TPP2: variants seen among roughly 807,000 people sequenced by gnomAD.
TPP2 encodes the protein tripeptidyl-peptidase 2.
In TPP2, 34 loss-of-function variants were observed where a neutral mutation model predicts 155.9. That is an observed-to-expected ratio of 0.22 (90% CI 0.17 to 0.29). The LOEUF is 0.29. Ranked by LOEUF, TPP2 falls within the 10% of genes least tolerant of loss-of-function variation. The pLI is 1.00. For synonymous variants in TPP2, 510 were observed against 529.4 expected, an observed-to-expected ratio of 0.96 and a Z score of 0.50; for missense variants, 1,028 against 1,522.3, an observed-to-expected ratio of 0.68 and a Z score of 5.40.
intron 15 of TPP2, among the ~76,000 whole-genome samples, chr13:102,638,648 C>T (rs1469823927): frequency 6.6e-6 from 1 of 152,190 alleles, no homozygotes; most frequent in Non-Finnish European, 1.5e-5. Flanking sequence ...AATATTACTT[C>T]ACTCCCCTCC....
intron 17 of TPP2, among the ~76,000 whole-genome samples, chr13:102,644,104 A>G (rs1458019205): frequency 6.6e-6 from 1 of 152,168 alleles, no homozygotes; most frequent in Non-Finnish European, 1.5e-5. Flanking sequence ...AATAGGGAGA[A>G]AGATGTAAAT....
chr13:102,626,565 C>T (rs182374972), intron 6 of TPP2, among the ~76,000 whole-genome samples: 50 of 152,294 alleles, frequency 3.3e-4, no homozygotes, highest in African/African-American at 1.0e-3. Context: ...GCTTTCACTC[C>T]AGCCAGCAGT....
chr13:102,610,838 A>G (rs1024603749), intron 2 of TPP2, among the ~76,000 whole-genome samples: 4 of 152,248 alleles, frequency 2.6e-5, no homozygotes, highest in African/African-American at 9.6e-5. Context: ...AGTTTTATGA[A>G]TAGTATAGCT....
intron 27 of TPP2, among the ~76,000 whole-genome samples, chr13:102,671,331 C>A (rs1445228003): frequency 6.6e-6 from 1 of 152,148 alleles, no homozygotes; most frequent in African/African-American, 2.4e-5. Flanking sequence ...GGAAAATGGG[C>A]AAATTCCAAG....
chr13:102,670,176 G>A (rs988932249), intron 27 of TPP2, among the ~76,000 whole-genome samples: 2 of 151,716 alleles, frequency 1.3e-5, no homozygotes, highest in South Asian at 4.2e-4. Flanking sequence ...GTGGGTGGGG[G>A]GGTGTGGCGG....
intron 2 of TPP2, among the ~76,000 whole-genome samples, chr13:102,610,950 T>G (rs1210701450): frequency 3.3e-5 from 5 of 152,226 alleles, no homozygotes; most frequent in African/African-American, 4.8e-5. Flanking sequence ...TTTGTGATAA[T>G]CATTCCTTTG....
intron 25 of TPP2, among the ~76,000 whole-genome samples, chr13:102,662,178 A>T (rs1435793128): frequency 6.6e-6 from 1 of 152,226 alleles, no homozygotes; most frequent in Non-Finnish European, 1.5e-5. Flanking sequence ...GTATTATATG[A>T]TTCTATTCAT....
chr13:102,622,342 A>G (rs1432449266), intron 5 of TPP2, among the ~76,000 whole-genome samples: 1 of 152,262 alleles, frequency 6.6e-6, no homozygotes, highest in Non-Finnish European at 1.5e-5. Flanking sequence ...TTTAAAAACT[A>G]TTTTAGTTAG....
chr13:102,657,269 AT>A, intron 25 of TPP2, 62 bp downstream of exon 25: 1 of 1,391,978 alleles, frequency 7.2e-7, no homozygotes, highest in Non-Finnish European at 9.6e-7. Flanking sequence ...AACTATAACA[AT>A]ATTGTGTATA....
rs565429922 is a variant in TPP2 at position 102,641,204 on chromosome 13, C to T, written c.2020+828C>T. Among the ~76,000 whole-genome samples, 3 of 152,264 alleles carry T rather than the reference C, an allele frequency of 2.0e-5. No homozygotes were observed. The East Asian group carries it at 5.8e-4, about 29-fold the overall frequency. ...AAGAGCTGTGGGTGTACCATATTTT[C>T]CTTCACAAGTTGTGTGTCCTAAATT... is the stretch of plus-strand genomic sequence containing the variant. On this transcript the variant is annotated intron_variant, in intron 16 of 29. Transcript: ENST00000376052.
chr13:102,629,817 T>C (rs956364135), intron 9 of TPP2, among the ~76,000 whole-genome samples: 1 of 152,188 alleles, frequency 6.6e-6, no homozygotes, highest in African/African-American at 2.4e-5. Flanking sequence ...TTCATAGAAA[T>C]ACACATGCAT....
chr13:102,655,123 A>G (rs1220026129), intron 24 of TPP2: 1 of 456,510 alleles, frequency 2.2e-6, no homozygotes, highest in Non-Finnish European at 4.4e-6. Flanking sequence ...TGTGCTTTAA[A>G]TGAGTCAGTG....
intron 27 of TPP2, 129 bp downstream of exon 27, chr13:102,665,054 C>G: frequency 3.5e-6 from 4 of 1,150,756 alleles, no homozygotes; most frequent in Non-Finnish European, 4.8e-6. Context: ...GGAATTATCA[C>G]TATTTGGATA....
rs1451564173 is a variant in TPP2 at position 102,597,185 on chromosome 13, G to T, written c.147G>T (p.Pro49=). 1.2e-5 allele frequency: 18 copies of T among 1,507,502 alleles called. No individual in the cohort carries two copies. Among genetic ancestry groups the T allele is most frequent in the African/African-American group, 2.9e-5 (2 of 69,050 alleles). 93.4% of individuals were successfully genotyped at this position (1,507,502 alleles called of 1,614,324 possible). ...LIAVLDTGVD[P]GAPGMQVTTD... is the part of the protein sequence containing the mutation. ...CAGTCCTGGACACGGGGGTCGACCCGGGGGCTCCGGGCATGCAGGTGAGGC... is the reference window on the plus strand; with the variant it reads ...CAGTCCTGGACACGGGGGTCGACCCTGGGGCTCCGGGCATGCAGGTGAGGC... The change falls in exon 1 of 30, where the codon CCG becomes CCT. Residue 49 remains proline, a synonymous_variant. Coordinates refer to ENST00000376052, the MANE Select transcript of TPP2 (RefSeq NM_001330588.2).
chr13:102,661,706 C>G (rs117530532), intron 25 of TPP2, among the ~76,000 whole-genome samples: 1 of 152,066 alleles, frequency 6.6e-6, no homozygotes, highest in Non-Finnish European at 1.5e-5. Context: ...CAGGGAAATG[C>G]ACATCAAAAT....
At chr13:102,601,336 TA>T (rs1879414564) in intron 1 of TPP2, among the ~76,000 whole-genome samples, 1 of 152,240 alleles carries the variant, frequency 6.6e-6, no homozygotes, top group African/African-American at 2.4e-5. Context: ...TTGTGTTGTT[TA>T]TGATAGATTG....
rs1883328770 is a variant in TPP2, at chr13:102,649,074, G to C, written c.2796G>C (p.Gly932=). 6.2e-7 allele frequency: 1 copy of C among 1,613,348 alleles called. No homozygotes were observed. The highest frequency in any genetic ancestry group is 1.1e-5 in the South Asian group (1 of 90,940). ...AAAATCATAGTTTTGCACTTCTAGG[G>C]AAGAAGAAATCAAGCAATTTGACAT... ...IHENHSFALL[G]KKKSSNLTLP... is the part of the protein sequence containing the mutation. Residue 932 remains glycine, a synonymous_variant, in exon 22 of 30, where the codon GGG becomes GGC. Coordinates refer to ENST00000376052, the MANE Select transcript of TPP2 (RefSeq NM_001330588.2).
rs1296695632 is a variant in TPP2, at chr13:102,674,401, G to A, written c.3490G>A (p.Gly1164Arg). The change falls in exon 28 of 30, where the codon GGA (glycine) becomes AGA (arginine). Residue 1164 changes from glycine to arginine, a missense_variant. Physicochemically the swap from Gly to Arg is moderately radical, Grantham distance 125. This residue lies in a region of TPP2 where 116 missense variants were observed against 117.3 expected (regional missense o/e 0.99). Transcript: ENST00000376052. ...CGGAGCCATTTCCACTGATGCAGAA[G>A]GAAAGGAGGAGGAAGGAGAAAGTCC... ...QDGAISTDAE[G>R]KEEEGESPLD... 2.5e-6 allele frequency: 4 copies of A among 1,613,850 alleles called. No homozygotes were observed. The highest frequency in any genetic ancestry group is 3.3e-5 in the Admixed American group (2 of 59,984).
At chr13:102,625,678 G>A (rs1462816414) in intron 6 of TPP2, among the ~76,000 whole-genome samples, 1 of 152,150 alleles carries the variant, frequency 6.6e-6, no homozygotes, top group African/African-American at 2.4e-5. Context: ...AAATAAGAAA[G>A]CCAGAATCCG....
Sources: allele counts gnomAD v4.1 joint callset (sites outside exome capture counted in the v4.1 genomes callset), GRCh38; gene constraint gnomAD v4.1.1; regional missense constraint gnomAD v4.1.1; transcripts MANE v1.5; gene names NCBI Gene and HGNC (gene_info 2026-07-23, HGNC 2026-07-21).